SSBP2: variants seen among roughly 807,000 people sequenced by gnomAD.
The protein encoded by SSBP2 is single-stranded DNA-binding protein 2.
In SSBP2, 17 loss-of-function variants were observed where a neutral mutation model predicts 61.8. That is an observed-to-expected ratio of 0.28 (90% CI 0.19 to 0.41). The LOEUF is 0.41. SSBP2 is among the 10% of genes least tolerant of loss of function. The pLI is 1.00. For synonymous variants in SSBP2, 139 were observed against 141.3 expected (o/e 0.98, Z 0.12); for missense variants, 310 against 458.7 (o/e 0.68, Z 2.96).
chr5:81,452,788 A>G (rs6887937), intron 10 of SSBP2, among the ~76,000 whole-genome samples: 68,039 of 151,970 alleles, frequency 0.45, 19,130 homozygotes, highest in African/African-American at 0.8. Flanking sequence ...TGAGGTAGAT[A>G]TGATAAACAA....
intron 4 of SSBP2, among the ~76,000 whole-genome samples, chr5:81,522,709 C>T (rs890424296): frequency 1.3e-5 from 2 of 152,144 alleles, no homozygotes; most frequent in African/African-American, 4.8e-5. Flanking sequence ...TATTCCTGGG[C>T]ATTTGTTTGC....
At chr5:81,541,016 T>C (rs1771224961) in intron 4 of SSBP2, among the ~76,000 whole-genome samples, 1 of 151,964 alleles carries the variant, frequency 6.6e-6, no homozygotes, top group Non-Finnish European at 1.5e-5. Flanking sequence ...CTAGAAAACC[T>C]TAAAGACCCT....
chr5:81,514,660 G>A (rs971262065), intron 4 of SSBP2, among the ~76,000 whole-genome samples: 1 of 151,958 alleles, frequency 6.6e-6, no homozygotes, highest in African/African-American at 2.4e-5. Context: ...TGTATCTAGT[G>A]TATCTGTTGC....
chr5:81,696,737 A>G (rs1410938266), intron 1 of SSBP2, among the ~76,000 whole-genome samples: 1 of 152,198 alleles, frequency 6.6e-6, no homozygotes, highest in East Asian at 1.9e-4. Flanking sequence ...ACCTATTTAC[A>G]CACTGGGTGG....
chr5:81,703,878 C>CTTACTGTAT (rs1305491030), intron 1 of SSBP2, among the ~76,000 whole-genome samples: 1 of 152,144 alleles, frequency 6.6e-6, no homozygotes, highest in Non-Finnish European at 1.5e-5. Flanking sequence ...AGGTTGCTTC[C>CTTACTGTAT]TTACTGTATT....
intron 1 of SSBP2, among the ~76,000 whole-genome samples, chr5:81,729,677 T>G (rs1327096002): frequency 2.6e-5 from 4 of 152,188 alleles, no homozygotes; most frequent in Admixed American, 2.6e-4. Context: ...TGTTTCATAC[T>G]TTAAAAGCAC....
chr5:81,434,062 C>T (rs960254402), intron 15 of SSBP2, among the ~76,000 whole-genome samples: 2 of 152,194 alleles, frequency 1.3e-5, no homozygotes, highest in Non-Finnish European at 2.9e-5. Flanking sequence ...TATGTTACAG[C>T]TAAGCAAACT....
intron 4 of SSBP2, among the ~76,000 whole-genome samples, chr5:81,562,517 G>A (rs763669673): frequency 1.4e-4 from 22 of 152,066 alleles, no homozygotes; most frequent in Non-Finnish European, 2.2e-4. Context: ...AAGAACAATC[G>A]ATACAATGTA....
intron 1 of SSBP2, among the ~76,000 whole-genome samples, chr5:81,742,114 C>T (rs1757062774): frequency 6.6e-6 from 1 of 152,110 alleles, no homozygotes; most frequent in Admixed American, 6.5e-5. Flanking sequence ...TACCACCCAG[C>T]TCATACGATT....
intron 1 of SSBP2, among the ~76,000 whole-genome samples, chr5:81,736,719 T>C (rs1037231763): frequency 2.0e-5 from 3 of 152,218 alleles, no homozygotes; most frequent in African/African-American, 7.2e-5. Flanking sequence ...ATTAACTCAA[T>C]TTGTGCTCTG....
At chr5:81,495,888 G>C (rs1185373607) in intron 5 of SSBP2, among the ~76,000 whole-genome samples, 1 of 151,576 alleles carries the variant, frequency 6.6e-6, no homozygotes, top group Admixed American at 6.6e-5. Flanking sequence ...TCATTAAAAA[G>C]TAAAAAAAAC....
At position 81,507,184 on chromosome 5, in the gene SSBP2, C is replaced by G. The variant is rs115306814; in HGVS notation, c.372+6444G>C. ...GATGGCAAGGCAGCTTTACCACTAC[C>G]AATCTTAGGCCTGCAAACCAAATGT... On this transcript the variant is annotated intron_variant, in intron 5 of 16. Coordinates refer to ENST00000320672, the MANE Select transcript of SSBP2 (RefSeq NM_012446.5). 2.9e-3 allele frequency among the ~76,000 whole-genome samples: 445 copies of G among 152,258 alleles called. 4 individuals carry two copies. The highest frequency in any genetic ancestry group is 0.014 in the Middle Eastern group (4 of 294).
chr5:81,500,711 G>A (rs548346830), intron 5 of SSBP2, among the ~76,000 whole-genome samples: 5 of 151,866 alleles, frequency 3.3e-5, no homozygotes, highest in Middle Eastern at 3.4e-3. Flanking sequence ...TGCCTGCCTC[G>A]GCCTCCCAAA....
At chr5:81,451,450 G>C (rs1763765822) in intron 10 of SSBP2, among the ~76,000 whole-genome samples, 1 of 151,930 alleles carries the variant, frequency 6.6e-6, no homozygotes, top group Non-Finnish European at 1.5e-5. Context: ...TTTTGAGATG[G>C]AGTTTCGCTC....
intron 6 of SSBP2, among the ~76,000 whole-genome samples, chr5:81,484,313 T>C (rs1192650958): frequency 6.6e-6 from 1 of 152,164 alleles, no homozygotes; most frequent in East Asian, 1.9e-4. Context: ...CATAAAACTA[T>C]AACTTAATTG....
Position 81,420,357 on chromosome 5 carries a change from AGG to A in SSBP2, c.*145_*146del. The A allele has an allele frequency of 4.2e-6, 3 of 717,082 alleles. No homozygotes were observed. The highest frequency in any genetic ancestry group is 7.2e-6 in the Non-Finnish European group (3 of 415,200). The allele number at this position is 717,082 out of a possible 1,614,324, so 44.4% of individuals were successfully genotyped here. On this transcript the variant is annotated 3_prime_UTR_variant, in exon 17 of 17. Coordinates refer to ENST00000320672, the MANE Select transcript of SSBP2 (RefSeq NM_012446.5). ...TTTGGACCCGCTTTCTTCACAAAAGAGGGGAGAGAGCAGGAAATAAAAAGGTT... is the reference window on the plus strand; with the variant it reads ...TTTGGACCCGCTTTCTTCACAAAAGAGGAGAGAGCAGGAAATAAAAAGGTT...
chr5:81,737,013 A>G (rs1756669050), intron 1 of SSBP2, among the ~76,000 whole-genome samples: 2 of 152,192 alleles, frequency 1.3e-5, no homozygotes, highest in Non-Finnish European at 2.9e-5. Flanking sequence ...AGTTTTTAAA[A>G]ATCAGTTGAC....
In SSBP2 at chr5:81,417,841, C is replaced by T. The variant is rs920145035; in HGVS notation, c.*2663G>A. The T allele has an allele frequency of 1.3e-5, 2 of 151,534 alleles. No individual in the cohort carries two copies. The highest frequency in any genetic ancestry group is 4.8e-5 in the African/African-American group (2 of 41,256). The allele number at this position is 151,534 out of a possible 1,614,324, so 9.4% of individuals were successfully genotyped here. ...AAAATAACTCTTTTTAATCTGGGCT[C>T]CAAGAAGAAAAAAGAAATAAATACT... On this transcript the variant is annotated 3_prime_UTR_variant, in exon 17 of 17. Transcript: ENST00000320672.
intron 5 of SSBP2, among the ~76,000 whole-genome samples, chr5:81,494,499 C>A (rs1342906813): frequency 6.6e-6 from 1 of 152,018 alleles, no homozygotes; most frequent in African/African-American, 2.4e-5. Context: ...GAGGGTGGAG[C>A]CTTCATGAAT....
Sources: allele counts gnomAD v4.1 joint callset (sites outside exome capture counted in the v4.1 genomes callset), GRCh38; gene constraint gnomAD v4.1.1; transcripts MANE v1.5; gene names NCBI Gene and HGNC (gene_info 2026-07-23, HGNC 2026-07-21).